CNTNAP5: variants seen among roughly 807,000 people sequenced by gnomAD.
CNTNAP5 encodes the protein contactin-associated protein-like 5.
CNTNAP5 carries 72 observed loss-of-function variants against 150.2 expected under a neutral mutation model. The ratio of observed to expected loss-of-function variants is 0.48; its 90% confidence interval spans 0.40 to 0.58. The LOEUF (loss-of-function observed/expected upper bound fraction) is 0.58, where lower values mean the gene tolerates loss of function less well. Ranked by LOEUF, CNTNAP5 falls within the 20% of genes least tolerant of loss-of-function variation. CNTNAP5 has a pLI of 0.00. For synonymous variants in CNTNAP5, 672 were observed against 619.8 expected (o/e 1.08, Z -1.25); for missense variants, 1,636 against 1,626.2 (o/e 1.01, Z -0.10).
At chr2:124,541,655 A>G (rs1017589801) in intron 10 of CNTNAP5, among the ~76,000 whole-genome samples, 9 of 152,140 alleles carry the variant, frequency 5.9e-5, no homozygotes, top group Non-Finnish European at 1.3e-4. Flanking sequence ...CGAACAAATA[A>G]TAAGGAAGGG....
intron 13 of CNTNAP5, among the ~76,000 whole-genome samples, chr2:124,731,056 C>T (rs573324393): frequency 4.6e-5 from 7 of 152,212 alleles, no homozygotes; most frequent in African/African-American, 1.7e-4. Flanking sequence ...GTGCCGTTTC[C>T]AGCACTTCCT....
At chr2:124,570,087 A>T (rs1696116981) in intron 11 of CNTNAP5, among the ~76,000 whole-genome samples, 1 of 152,218 alleles carries the variant, frequency 6.6e-6, no homozygotes, top group Non-Finnish European at 1.5e-5. Context: ...TGGAAATTCC[A>T]TAAGAACGGG....
intron 13 of CNTNAP5, among the ~76,000 whole-genome samples, chr2:124,726,529 A>G (rs956904487): frequency 2.6e-5 from 4 of 152,198 alleles, no homozygotes; most frequent in Admixed American, 6.6e-5. Flanking sequence ...ATCTTTCTTT[A>G]TAAATTATCC....
At chr2:124,216,978 A>G (rs1159177124) in intron 1 of CNTNAP5, among the ~76,000 whole-genome samples, 4 of 152,162 alleles carry the variant, frequency 2.6e-5, no homozygotes, top group Non-Finnish European at 4.4e-5. Flanking sequence ...AACTTCCACA[A>G]TGGTTAAACT....
At chr2:124,106,493 A>G (rs1009608930) in intron 1 of CNTNAP5, among the ~76,000 whole-genome samples, 1 of 152,144 alleles carries the variant, frequency 6.6e-6, no homozygotes, top group Admixed American at 6.5e-5. Flanking sequence ...TATGAAATTA[A>G]ACCTCCATTA....
chr2:124,327,736 T>A (rs751602880), intron 3 of CNTNAP5, among the ~76,000 whole-genome samples: 4 of 152,166 alleles, frequency 2.6e-5, no homozygotes, highest in African/African-American at 9.7e-5. Context: ...CCCCTTTGAG[T>A]TGTCCTGCCC....
At chr2:124,566,967 AG>A (rs1165235731) in intron 11 of CNTNAP5, among the ~76,000 whole-genome samples, 5 of 152,232 alleles carry the variant, frequency 3.3e-5, no homozygotes, top group African/African-American at 1.2e-4. Flanking sequence ...GCTGTGTTTG[AG>A]GGATGTTTTA....
intron 1 of CNTNAP5, among the ~76,000 whole-genome samples, chr2:124,176,968 C>T (rs1389297136): frequency 6.6e-6 from 1 of 151,612 alleles, no homozygotes; most frequent in Non-Finnish European, 1.5e-5. Context: ...CCTCAGCCTC[C>T]CAAACAGCTG....
chr2:124,502,479 C>G (rs1694300407), intron 7 of CNTNAP5, among the ~76,000 whole-genome samples: 1 of 152,152 alleles, frequency 6.6e-6, no homozygotes, highest in African/African-American at 2.4e-5. Context: ...ATGCCTTTGC[C>G]TTCTTCATCT....
chr2:124,178,842 A>G (rs1374924345), intron 1 of CNTNAP5, among the ~76,000 whole-genome samples: 2 of 152,130 alleles, frequency 1.3e-5, no homozygotes, highest in Non-Finnish European at 2.9e-5. Context: ...GCCTGTAAAT[A>G]GATAGCAACA....
chr2:124,378,822 T>C (rs1449811058), intron 3 of CNTNAP5, among the ~76,000 whole-genome samples: 1 of 152,138 alleles, frequency 6.6e-6, no homozygotes, highest in African/African-American at 2.4e-5. Flanking sequence ...CATAGGTGGA[T>C]ACTCGTTACT....
intron 3 of CNTNAP5, among the ~76,000 whole-genome samples, chr2:124,268,850 G>GGCTCTAA (rs1306211409): frequency 2.0e-5 from 3 of 152,236 alleles, no homozygotes; most frequent in Admixed American, 6.5e-5. Flanking sequence ...AGAGCCCTTT[G>GGCTCTAA]GTCAGGAAAT....
At chr2:124,388,016 T>G (rs1427578090) in intron 3 of CNTNAP5, among the ~76,000 whole-genome samples, 2 of 152,118 alleles carry the variant, frequency 1.3e-5, no homozygotes, top group East Asian at 1.9e-4. Context: ...CATTTCAAAC[T>G]AGCCACCTCT....
chr2:124,098,729 A>T (rs1321960533), intron 1 of CNTNAP5, among the ~76,000 whole-genome samples: 5 of 135,440 alleles, frequency 3.7e-5, no homozygotes, highest in Admixed American at 7.1e-5. Context: ...CGTTGAGAAA[A>T]AACAAACAAA....
intron 13 of CNTNAP5, among the ~76,000 whole-genome samples, chr2:124,678,278 T>A (rs1252159845): frequency 6.6e-6 from 1 of 151,884 alleles, no homozygotes; most frequent in African/African-American, 2.4e-5. Context: ...TTCCCCTTTA[T>A]CCTTTCTCCT....
chr2:124,901,632 T>A (rs1678415742), intron 21 of CNTNAP5, among the ~76,000 whole-genome samples: 1 of 152,268 alleles, frequency 6.6e-6, no homozygotes, highest in East Asian at 1.9e-4. Flanking sequence ...ATGGCAGACT[T>A]CAAACACACA....
At chr2:124,449,352 GACA>G (rs1022807927) in intron 6 of CNTNAP5, among the ~76,000 whole-genome samples, 49 of 151,492 alleles carry the variant, frequency 3.2e-4, no homozygotes, top group South Asian at 2.1e-4. Flanking sequence ...TAAACTCAAA[GACA>G]ACAACAACAG....
chr2:124,187,819 A>C (rs1685369038), intron 1 of CNTNAP5, among the ~76,000 whole-genome samples: 1 of 152,172 alleles, frequency 6.6e-6, no homozygotes, highest in Non-Finnish European at 1.5e-5. Flanking sequence ...AAACAATTTT[A>C]CCAGGGGATA....
chr2:124,316,328 A>G (rs916162784), intron 3 of CNTNAP5, among the ~76,000 whole-genome samples: 22 of 152,202 alleles, frequency 1.4e-4, no homozygotes, highest in African/African-American at 5.1e-4. Flanking sequence ...GAAACCAGAT[A>G]AATTTTCTTC....
Sources: gnomAD v4.1 joint callset for allele counts (sites outside exome capture counted in the v4.1 genomes callset) on GRCh38, gnomAD v4.1.1 for gene constraint, MANE v1.5 for transcripts, NCBI Gene and HGNC (gene_info 2026-07-23, HGNC 2026-07-21) for gene names.